Variants in MIR2052HG observed in about 807,000 individuals in gnomAD.
The protein encoded by MIR2052HG is MIR2052 host gene.
chr8:74,751,447 C>T (rs77117653), intron 4 of MIR2052HG, among the ~76,000 whole-genome samples: 2,165 of 152,204 alleles, frequency 0.014, 14 homozygotes, highest in Non-Finnish European at 0.022. Flanking sequence ...AAGTTAGATT[C>T]AACAGCATGT....
At chr8:74,750,284 A>C (rs1217009387) in intron 4 of MIR2052HG, among the ~76,000 whole-genome samples, 1 of 152,232 alleles carries the variant, frequency 6.6e-6, no homozygotes, top group Admixed American at 6.5e-5. Flanking sequence ...AGAATATTTT[A>C]CTAGCAAATT....
At chr8:74,724,122 G>A (rs1188757978) in intron 4 of MIR2052HG, among the ~76,000 whole-genome samples, 3 of 151,906 alleles carry the variant, frequency 2.0e-5, no homozygotes, top group South Asian at 2.1e-4. Flanking sequence ...GGATGGCCTC[G>A]TTTCATTTCA....
intron 4 of MIR2052HG, among the ~76,000 whole-genome samples, chr8:74,744,510 G>A (rs370013336): frequency 1.3e-5 from 2 of 150,374 alleles, no homozygotes; most frequent in South Asian, 2.1e-4. Flanking sequence ...AGAGTGTGAT[G>A]TTCCCCTTCC....
chr8:74,664,635 A>G (rs1808902329), intron 2 of MIR2052HG, among the ~76,000 whole-genome samples: 1 of 152,094 alleles, frequency 6.6e-6, no homozygotes, highest in Admixed American at 6.5e-5. Context: ...CTCCTGCCTC[A>G]GCCTCCTGAG....
chr8:74,726,277 A>G (rs1809635001), intron 4 of MIR2052HG, among the ~76,000 whole-genome samples: 1 of 152,200 alleles, frequency 6.6e-6, no homozygotes, highest in Non-Finnish European at 1.5e-5. Context: ...AGACTCTAAA[A>G]GAGAGTACAT....
At chr8:74,619,818 C>T (rs984806684) in intron 2 of MIR2052HG, among the ~76,000 whole-genome samples, 2 of 152,120 alleles carry the variant, frequency 1.3e-5, no homozygotes, top group African/African-American at 2.4e-5. Context: ...TCTGGCCCCT[C>T]CCAAATCTCA....
intron 2 of MIR2052HG, among the ~76,000 whole-genome samples, chr8:74,670,099 A>G (rs757155117): frequency 1.4e-4 from 21 of 152,204 alleles, no homozygotes; most frequent in Non-Finnish European, 2.4e-4. Flanking sequence ...AGCCCTCACC[A>G]GACACTGACA....
intron 2 of MIR2052HG, among the ~76,000 whole-genome samples, chr8:74,624,056 A>G (rs909500562): frequency 6.6e-6 from 1 of 152,220 alleles, no homozygotes; most frequent in Non-Finnish European, 1.5e-5. Context: ...GCATGACCAA[A>G]AAGAGCCAGC....
intron 1 of MIR2052HG, among the ~76,000 whole-genome samples, chr8:74,602,186 GCCAAAACCTT>G (rs1808010135): frequency 6.6e-6 from 1 of 152,152 alleles, no homozygotes; most frequent in South Asian, 2.1e-4. Context: ...GCCAAAACCT[GCCAAAACCTT>G]CCAAAACCAA....
intron 2 of MIR2052HG, among the ~76,000 whole-genome samples, chr8:74,619,147 C>T (rs1489610433): frequency 2.0e-5 from 3 of 152,032 alleles, no homozygotes; most frequent in African/African-American, 7.2e-5. Flanking sequence ...AAAATATATC[C>T]TATGTACCTG....
At chr8:74,628,465 A>T in intron 2 of MIR2052HG, among the ~76,000 whole-genome samples, 1 of 152,282 alleles carries the variant, frequency 6.6e-6, no homozygotes, top group East Asian at 1.9e-4. Flanking sequence ...ATAGATGTGG[A>T]AGGTTGTGGT....
intron 4 of MIR2052HG, among the ~76,000 whole-genome samples, chr8:74,722,086 A>AGGATCGCT (rs1275734117): frequency 4.6e-5 from 7 of 152,088 alleles, no homozygotes; most frequent in Non-Finnish European, 8.8e-5. Flanking sequence ...GCTACTTGGG[A>AGGATCGCT]GGATCGCTTG....
At chr8:74,645,868 T>C (rs932315947) in intron 2 of MIR2052HG, among the ~76,000 whole-genome samples, 44 of 152,340 alleles carry the variant, frequency 2.9e-4, no homozygotes, top group African/African-American at 9.6e-4. Flanking sequence ...ATCGTCCTTT[T>C]AATCTTGAAT....
intron 2 of MIR2052HG, among the ~76,000 whole-genome samples, chr8:74,659,646 A>G (rs1396796952): frequency 1.3e-5 from 2 of 152,052 alleles, no homozygotes; most frequent in Admixed American, 6.6e-5. Flanking sequence ...GGATCTCACT[A>G]TGTTGCCCAG....
In MIR2052HG at chr8:74,747,183, T is replaced by A. The variant is rs189726159; in HGVS notation, n.372-5258T>A. ...TGTTTGTGTACAAATCCTGGTTCCA[T>A]CACTAATGAGTATGTGACATTTGGG... On this transcript the variant is annotated intron_variant and non_coding_transcript_variant, in intron 4 of 6. Transcript: ENST00000523442. Among the ~76,000 whole-genome samples, 63 of 152,306 alleles carry A rather than the reference T, an allele frequency of 4.1e-4. 1 individual carries two copies. Among genetic ancestry groups the A allele is most frequent in the African/African-American group, 1.4e-3 (58 of 41,594 alleles).
chr8:74,670,228 A>T (rs1412972752), intron 2 of MIR2052HG, among the ~76,000 whole-genome samples: 1 of 152,208 alleles, frequency 6.6e-6, no homozygotes, highest in Admixed American at 6.5e-5. Flanking sequence ...TTGGGGTACC[A>T]TCTGTCTTGC....
chr8:74,686,023 T>C (rs1316555954), intron 2 of MIR2052HG, among the ~76,000 whole-genome samples: 2 of 151,972 alleles, frequency 1.3e-5, no homozygotes, highest in Non-Finnish European at 2.9e-5. Context: ...ATATCCATGA[T>C]AACTGCTCTG....
At chr8:74,682,701 T>C (rs1314369605) in intron 2 of MIR2052HG, among the ~76,000 whole-genome samples, 10 of 152,148 alleles carry the variant, frequency 6.6e-5, no homozygotes, top group Admixed American at 6.6e-4. Context: ...AACTATATGG[T>C]GCAACCACTA....
At chr8:74,694,136 G>A (rs1413546571) in intron 2 of MIR2052HG, among the ~76,000 whole-genome samples, 2 of 152,164 alleles carry the variant, frequency 1.3e-5, no homozygotes, top group African/African-American at 4.8e-5. Flanking sequence ...ACTGGAGCAG[G>A]TGCTAGTATC....
Sources: allele counts gnomAD v4.1 joint callset (sites outside exome capture counted in the v4.1 genomes callset), GRCh38; gene constraint gnomAD v4.1.1; transcripts MANE v1.5; gene names NCBI Gene and HGNC (gene_info 2026-07-23, HGNC 2026-07-21).